Variants in NAV2 observed in about 807,000 individuals in gnomAD.
The protein encoded by NAV2 is neuron navigator 2, also known as helicase, APC down-regulated 1.
NAV2 carries 54 observed loss-of-function variants against 223.2 expected under a neutral mutation model. The ratio of observed to expected loss-of-function variants is 0.24; its 90% confidence interval spans 0.19 to 0.30. The LOEUF (loss-of-function observed/expected upper bound fraction) is 0.30. NAV2 is among the 10% of genes least tolerant of loss of function. NAV2 has a pLI of 1.00. For synonymous variants in NAV2, 1,279 were observed against 1,239.3 expected (o/e 1.03, Z -0.67); for missense variants, 2,806 against 3,147.5 (o/e 0.89, Z 2.60).
At chr11:19,408,111 C>G (rs938707556) in intron 1 of NAV2, among the ~76,000 whole-genome samples, 1 of 152,138 alleles carries the variant, frequency 6.6e-6, no homozygotes, top group Non-Finnish European at 1.5e-5. Flanking sequence ...TTAACTAACC[C>G]TGGTACCCAC....
chr11:19,819,585 A>G (rs940959667), intron 1 of NAV2, among the ~76,000 whole-genome samples: 2 of 152,210 alleles, frequency 1.3e-5, no homozygotes, highest in Non-Finnish European at 1.5e-5. Context: ...TGAGGGTTAG[A>G]GTAGCATGGA....
chr11:19,423,350 A>C (rs956129784), intron 1 of NAV2, among the ~76,000 whole-genome samples: 3 of 152,226 alleles, frequency 2.0e-5, no homozygotes, highest in Non-Finnish European at 4.4e-5. Flanking sequence ...TTCATTCTAC[A>C]GATGGTCATG....
At chr11:19,801,211 TG>T (rs1393040193) in intron 1 of NAV2, among the ~76,000 whole-genome samples, 1 of 152,252 alleles carries the variant, frequency 6.6e-6, no homozygotes, top group African/African-American at 2.4e-5. Context: ...CCAACCAGTT[TG>T]GCAACAGCAG....
At chr11:19,611,992 T>C (rs933923743) in intron 1 of NAV2, among the ~76,000 whole-genome samples, 4 of 152,238 alleles carry the variant, frequency 2.6e-5, no homozygotes, top group Non-Finnish European at 4.4e-5. Context: ...ATCCAGGCAT[T>C]TCCATACATC....
At chr11:19,421,993 C>T (rs554177825) in intron 1 of NAV2, among the ~76,000 whole-genome samples, 8 of 152,100 alleles carry the variant, frequency 5.3e-5, no homozygotes, top group East Asian at 3.9e-4. Flanking sequence ...TTACCTGTAA[C>T]GAAAAGCTTT....
At chr11:19,587,731 A>G (rs1176854276) in intron 1 of NAV2, among the ~76,000 whole-genome samples, 1 of 152,250 alleles carries the variant, frequency 6.6e-6, no homozygotes, top group Non-Finnish European at 1.5e-5. Context: ...AGTCACAATG[A>G]GACTGACTGC....
At chr11:20,097,413 C>T (rs1246018632) in intron 30 of NAV2, among the ~76,000 whole-genome samples, 164 bp from the exon 31 acceptor site, 1 of 152,092 alleles carries the variant, frequency 6.6e-6, no homozygotes, top group South Asian at 2.1e-4. Flanking sequence ...CGGGCTTTAT[C>T]CCCTTAGAAA....
At chr11:19,968,373 C>T (rs558414619) in intron 10 of NAV2, among the ~76,000 whole-genome samples, 12 of 152,104 alleles carry the variant, frequency 7.9e-5, no homozygotes, top group Non-Finnish European at 1.8e-4. Context: ...CATACCACCA[C>T]ACTCAACTAA....
intron 1 of NAV2, among the ~76,000 whole-genome samples, chr11:19,612,200 C>G (rs572051288): frequency 6.6e-6 from 1 of 152,352 alleles, no homozygotes; most frequent in South Asian, 2.1e-4. Flanking sequence ...GCACACAGCA[C>G]AGGAACCCTG....
intron 35 of NAV2, 191 bp from the exon 36 acceptor site, chr11:20,107,472 GA>G (rs559739164): frequency 7.5e-4 from 449 of 596,952 alleles, no homozygotes; most frequent in African/African-American, 7.3e-3. Context: ...CCCCCAGGTG[GA>G]ATCAGGGATC....
rs185182798 is a variant in NAV2 at position 19,974,800 on chromosome 11, G to C, written c.2646-9325G>C. Among the ~76,000 whole-genome samples the C allele has an allele frequency of 1.2e-4, 18 of 152,318 alleles. No homozygotes were observed. The East Asian group carries it at 3.3e-3, about 28-fold the overall frequency. On this transcript the variant is annotated intron_variant, in intron 10 of 37. Coordinates refer to ENST00000349880, the MANE Select transcript of NAV2 (RefSeq NM_145117.5). ...TACATAATAATAGAGCAAAGTGTTGGGGGGAAGAGGGGATATAAAGGAACT... is the reference window on the plus strand; with the variant it reads ...TACATAATAATAGAGCAAAGTGTTGCGGGGAAGAGGGGATATAAAGGAACT...
chr11:19,540,170 T>C (rs980757306), intron 1 of NAV2, among the ~76,000 whole-genome samples: 5 of 152,130 alleles, frequency 3.3e-5, no homozygotes, highest in African/African-American at 7.2e-5. Flanking sequence ...TGCCTTCATC[T>C]CCTGCAGTGG....
At chr11:19,878,180 A>C (rs1368114073) in intron 4 of NAV2, among the ~76,000 whole-genome samples, 1 of 152,164 alleles carries the variant, frequency 6.6e-6, no homozygotes, top group Non-Finnish European at 1.5e-5. Context: ...TATAATTAAG[A>C]GCTCCCCACT....
chr11:19,866,504 G>T (rs1284061699), intron 3 of NAV2, among the ~76,000 whole-genome samples: 1 of 152,146 alleles, frequency 6.6e-6, no homozygotes, highest in African/African-American at 2.4e-5. Context: ...AATAGAATCG[G>T]ACATTAAAAG....
At chr11:20,017,472 T>C (rs1048956216) in intron 11 of NAV2, among the ~76,000 whole-genome samples, 1 of 152,216 alleles carries the variant, frequency 6.6e-6, no homozygotes, top group Non-Finnish European at 1.5e-5. Flanking sequence ...CCTACCACAC[T>C]ATTTAAAGTA....
chr11:19,945,316 C>G (rs1467474229), intron 8 of NAV2, among the ~76,000 whole-genome samples: 1 of 148,042 alleles, frequency 6.8e-6, no homozygotes, highest in Non-Finnish European at 1.5e-5. Context: ...ATCTTTCTTT[C>G]CTCCTTTCCT....
intron 1 of NAV2, among the ~76,000 whole-genome samples, chr11:19,424,987 TTCAG>T (rs767604850): frequency 5.9e-5 from 9 of 152,242 alleles, no homozygotes; most frequent in Non-Finnish European, 1.0e-4. Flanking sequence ...TATTCTTCCA[TTCAG>T]TCAGTCATTC....
chr11:19,743,315 T>C (rs1429906686), intron 1 of NAV2, among the ~76,000 whole-genome samples: 1 of 152,216 alleles, frequency 6.6e-6, no homozygotes, highest in Admixed American at 6.5e-5. Context: ...GTCAGGGGTC[T>C]GGCCTAGCAT....
chr11:19,599,897 A>G (rs1311689675), intron 1 of NAV2, among the ~76,000 whole-genome samples: 1 of 152,210 alleles, frequency 6.6e-6, no homozygotes, highest in East Asian at 1.9e-4. Flanking sequence ...CTCAAGCCTC[A>G]ATGGGTATAT....
Sources: allele counts gnomAD v4.1 joint callset (sites outside exome capture counted in the v4.1 genomes callset), GRCh38; gene constraint gnomAD v4.1.1; transcripts MANE v1.5; gene names NCBI Gene and HGNC (gene_info 2026-07-23, HGNC 2026-07-21).